DHTKD1: variants seen among roughly 807,000 people sequenced by gnomAD.
DHTKD1 encodes dehydrogenase E1 and transketolase domain containing 1, also known as 2-oxoadipate dehydrogenase complex component E1.
Under a neutral mutation model 101.8 loss-of-function variants are expected in DHTKD1, and 78 were observed. The ratio of observed to expected loss-of-function variants is 0.77; its 90% CI spans 0.64 to 0.93. DHTKD1 has a LOEUF of 0.93. Ranked by LOEUF, DHTKD1 falls within the 40% of genes least tolerant of loss-of-function variation. The pLI, the probability that DHTKD1 is intolerant of heterozygous loss-of-function variation, is 0.00. For missense variants in DHTKD1, 1,223 were observed against 1,161.7 expected, an observed-to-expected ratio of 1.05 and a Z score of -0.77; for synonymous variants, 462 against 450.3, an observed-to-expected ratio of 1.03 and a Z score of -0.33.
chr10:12,097,996 G>C lies in DHTKD1; in HGVS notation c.1671G>C (p.Gln557His). Residue 557 changes from glutamine to histidine, a missense_variant and splice_region_variant, in exon 8 of 17, where the codon CAG becomes CAC. Transcript: ENST00000263035. Reference sequence around the variant, plus strand: ...GTCACCTGCTGAAGACACATGTTCAGGTGGGCAGCCTCCAAATGGCTGGTT... The same window carrying C: ...GTCACCTGCTGAAGACACATGTTCACGTGGGCAGCCTCCAAATGGCTGGTT... ...MHSHLLKTHV[Q>H]SRMEKMMDGI... The C allele has an allele frequency of 6.3e-7, 1 of 1,594,336 alleles. No individual in the cohort carries two copies.
At chr10:12,111,790 G>A (rs898318191) in intron 12 of DHTKD1, among the ~76,000 whole-genome samples, 4 of 152,112 alleles carry the variant, frequency 2.6e-5, no homozygotes, top group African/African-American at 9.7e-5. Context: ...TAGTCACCTG[G>A]GAAAGAAGGA....
At position 12,084,650 on chromosome 10, in the gene DHTKD1, G is replaced by C. The variant is rs1330977708; in HGVS notation, c.421G>C (p.Asp141His). 2 of 1,614,122 alleles carry C rather than the reference G, an allele frequency of 1.2e-6. No homozygotes were observed. Among genetic ancestry groups the C allele is most frequent in the South Asian group, 1.1e-5 (1 of 91,088 alleles). ...SIETSQLQSQ[D>H]EKDWFAKRFE... ...TGAAACCTCCCAACTTCAGAGCCAG[G>C]ATGAGAAAGACTGGTTTGCCAAGCG... The change falls in exon 3 of 17, where the codon GAT (aspartate) becomes CAT (histidine). Residue 141 changes from aspartate (D) to histidine (H), a missense_variant. Physicochemically the swap from Asp to His is moderately conservative, Grantham distance 81. Transcript: ENST00000263035.
At chr10:12,100,955 A>G in intron 9 of DHTKD1, 87 bp from the exon 10 acceptor site, 2 of 1,361,768 alleles carry the variant, frequency 1.5e-6, no homozygotes, top group Non-Finnish European at 2.0e-6. Context: ...TCTCAGGATT[A>G]AGCCAGTATA....
chr10:12,119,386 T>C (rs186737238), intron 15 of DHTKD1, among the ~76,000 whole-genome samples: 3,224 of 150,508 alleles, frequency 0.021, 88 homozygotes, highest in African/African-American at 0.054. Context: ...GAGGCCGAGG[T>C]GGGCGGATCA....
chr10:12,086,713 GAC>G (rs1832908004), intron 3 of DHTKD1, among the ~76,000 whole-genome samples: 1 of 152,052 alleles, frequency 6.6e-6, no homozygotes, highest in Non-Finnish European at 1.5e-5. Context: ...CAGTTCTTGA[GAC>G]AGTCTTGCTC....
chr10:12,108,894 G>A (rs1833287989), intron 12 of DHTKD1, among the ~76,000 whole-genome samples: 1 of 152,148 alleles, frequency 6.6e-6, no homozygotes, highest in Non-Finnish European at 1.5e-5. Context: ...GCTCACACCT[G>A]TAATCCTGGC....
In DHTKD1 at chr10:12,122,964, C is replaced by G. The variant is rs1241917285; in HGVS notation, c.*2076C>G. The G allele has an allele frequency of 1.3e-5, 2 of 152,202 alleles. No individual in the cohort carries two copies. The highest frequency in any genetic ancestry group is 2.9e-5 in the Non-Finnish European group (2 of 68,032). 9.4% of individuals were successfully genotyped at this position (152,202 alleles called of 1,614,324 possible). On this transcript the variant is annotated 3_prime_UTR_variant, in exon 17 of 17. Transcript: ENST00000263035. ...AGAATCCATGTACATATAGGCTGTTCTAGCCACAGTGGTAGATTTATGATT... is the reference window on the plus strand; with the variant it reads ...AGAATCCATGTACATATAGGCTGTTGTAGCCACAGTGGTAGATTTATGATT...
intron 15 of DHTKD1, among the ~76,000 whole-genome samples, chr10:12,119,401 G>A (rs2131629630): frequency 6.6e-6 from 1 of 151,498 alleles, no homozygotes. Flanking sequence ...GGATCACGAG[G>A]TCAGGAGATC....
In DHTKD1 at chr10:12,110,102, T is replaced by G. The variant is rs1833305633; in HGVS notation, c.2154+2087T>G. ...TCATGAGGTCAGGAGATGAAGACCA[T>G]CCTGGCTAACACGGTGAAACCCTGT... On this transcript the variant is annotated intron_variant, in intron 12 of 16. Transcript: ENST00000263035. The surrounding 1 kb of genome is among the most constrained non-coding windows in gnomAD (Gnocchi z 4.9). Among the ~76,000 whole-genome samples, 1 of 152,014 alleles carries G rather than the reference T, an allele frequency of 6.6e-6. No individual in the cohort carries two copies. Among genetic ancestry groups the G allele is most frequent in the Admixed American group, 6.6e-5 (1 of 15,244 alleles).
intron 10 of DHTKD1, among the ~76,000 whole-genome samples, chr10:12,105,602 C>G (rs899954453): frequency 6.6e-6 from 1 of 152,144 alleles, no homozygotes; most frequent in South Asian, 2.1e-4. Flanking sequence ...CCACCACGCC[C>G]GGCCACAGGT....
chr10:12,119,347 G>C (rs1483958438), intron 15 of DHTKD1, among the ~76,000 whole-genome samples: 7 of 150,734 alleles, frequency 4.6e-5, no homozygotes, highest in Non-Finnish European at 1.5e-5. Context: ...GGGGCGCGGT[G>C]CCTCACGCCT....
Position 12,091,528 on chromosome 10 carries a change from T to A in DHTKD1, c.1003T>A (p.Ser335Thr). The A allele has an allele frequency of 6.2e-7, 1 of 1,606,720 alleles. No homozygotes were observed. Among genetic ancestry groups the A allele is most frequent in the Non-Finnish European group, 8.5e-7 (1 of 1,176,446 alleles). The change falls in exon 6 of 17, where the codon TCT becomes ACT. Residue 335 changes from serine (S) to threonine (T), a missense_variant. Ser to Thr is a moderately conservative substitution (Grantham distance 58). Coordinates refer to ENST00000263035, the MANE Select transcript of DHTKD1 (RefSeq NM_018706.7). Reference sequence around the variant, plus strand: ...CATGATTTAGGTCCATGGTGATGCTTCTTTCTGTGGTCAAGGGATTGTTCC... The same window carrying A: ...CATGATTTAGGTCCATGGTGATGCTACTTTCTGTGGTCAAGGGATTGTTCC... ...VICLQVHGDA[S>T]FCGQGIVPET...
intron 16 of DHTKD1, 23 bp downstream of exon 16, chr10:12,120,290 AGTGTTTT>A (rs768473642): frequency 3.8e-6 from 6 of 1,583,218 alleles, no homozygotes; most frequent in East Asian, 2.3e-5. Context: ...TTTCTCTGGT[AGTGTTTT>A]GTGTTTTGTG....
At chr10:12,114,989 G>T (rs1439814748) in intron 13 of DHTKD1, among the ~76,000 whole-genome samples, 1 of 152,052 alleles carries the variant, frequency 6.6e-6, no homozygotes, top group Admixed American at 6.6e-5. Context: ...TGGAGACAGG[G>T]TTTCACTGTG....
At chr10:12,090,447 C>T (rs1022546049) in intron 5 of DHTKD1, among the ~76,000 whole-genome samples, 1 of 110,356 alleles carries the variant, frequency 9.1e-6, no homozygotes, top group African/African-American at 3.8e-5. Flanking sequence ...TTCCTTCCTT[C>T]CTTCCTTCCT....
rs1832928958 is a variant in DHTKD1, at chr10:12,087,851, C to T, written c.717+122C>T. ...TGATGGCCGGGCACTGTGGCTCACA[C>T]CTGCAATCCCAGCCTGTTGGGAGGA... On this transcript the variant is annotated intron_variant, in intron 4 of 16. Transcript: ENST00000263035. The surrounding 1 kb of genome is among the most constrained non-coding windows in gnomAD (Gnocchi z 5.2). 2 of 827,072 alleles carry T rather than the reference C, an allele frequency of 2.4e-6. No homozygotes were observed. The highest frequency in any genetic ancestry group is 3.6e-6 in the Non-Finnish European group (2 of 562,698). The allele number at this position is 827,072 out of a possible 1,614,324, so 51.2% of individuals were successfully genotyped here. A position where few individuals can be genotyped will look rare whatever the true frequency, so the allele number is the denominator to read the frequency against.
chr10:12,104,526 T>C (rs968470265), intron 10 of DHTKD1, among the ~76,000 whole-genome samples: 36 of 152,200 alleles, frequency 2.4e-4, no homozygotes, highest in African/African-American at 8.0e-4. Context: ...AGCTTAAACA[T>C]ATATTTTTTT....
At chr10:12,097,382 C>T (rs1159992305) in intron 7 of DHTKD1, among the ~76,000 whole-genome samples, 1 of 152,160 alleles carries the variant, frequency 6.6e-6, no homozygotes, top group Non-Finnish European at 1.5e-5. Flanking sequence ...AAGCAATTCT[C>T]CTGCCTCAGC....
At chr10:12,076,820 G>A (rs373827201) in intron 1 of DHTKD1, among the ~76,000 whole-genome samples, 1 of 151,704 alleles carries the variant, frequency 6.6e-6, no homozygotes, top group African/African-American at 2.4e-5. Flanking sequence ...CACCACGCCC[G>A]GCTAATTTTT....
Sources: gnomAD v4.1 joint callset for allele counts (sites outside exome capture counted in the v4.1 genomes callset) on GRCh38, gnomAD v4.1.1 for gene constraint, Gnocchi (gnomAD v3.1) non-coding constraint, MANE v1.5 for transcripts, NCBI Gene and HGNC (gene_info 2026-07-23, HGNC 2026-07-21) for gene names.